Variants in ERC2 observed in about 807,000 individuals in gnomAD.
ERC2 encodes the protein ELKS/RAB6-interacting/CAST family member 2.
Under a neutral mutation model 114.8 loss-of-function variants are expected in ERC2, and 42 were observed. The observed-to-expected ratio is 0.37, with a 90% CI of 0.29 to 0.47. The LOEUF (loss-of-function observed/expected upper bound fraction) is 0.47. Ranked by LOEUF, ERC2 falls within the 20% of genes least tolerant of loss-of-function variation. The probability of loss-of-function intolerance (pLI) is 0.99; values close to 1 mark genes in which losing one functional copy is unlikely to be tolerated. For synonymous variants in ERC2, 454 were observed against 425.5 expected, an observed-to-expected ratio of 1.07 and a Z score of -0.82; for missense variants, 939 against 1,150.7, an observed-to-expected ratio of 0.82 and a Z score of 2.66.
At chr3:55,620,986 TG>T (rs2059302112) in intron 17 of ERC2, among the ~76,000 whole-genome samples, 1 of 152,214 alleles carries the variant, frequency 6.6e-6, no homozygotes, top group Non-Finnish European at 1.5e-5. Flanking sequence ...ACTCTGACAG[TG>T]GTTTATGACC....
At position 55,989,118 on chromosome 3, in the gene ERC2, T is replaced by C. The variant is rs117461880; in HGVS notation, c.2255+2939A>G. Reference sequence around the variant, plus strand: ...CGCAAGACACGGGCAGGCAGAGTACTGGGACAGACTCAGGTCCCACCACAC... The same window carrying C: ...CGCAAGACACGGGCAGGCAGAGTACCGGGACAGACTCAGGTCCCACCACAC... On this transcript the variant is annotated intron_variant, in intron 11 of 17. Transcript: ENST00000288221. 9.8e-3 allele frequency among the ~76,000 whole-genome samples: 1,493 copies of C among 152,330 alleles called. 21 individuals carry two copies. Among genetic ancestry groups the C allele is most frequent in the Middle Eastern group, 0.075 (22 of 294 alleles).
At chr3:55,582,374 T>C (rs944372937) in intron 17 of ERC2, among the ~76,000 whole-genome samples, 1 of 152,194 alleles carries the variant, frequency 6.6e-6, no homozygotes, top group Non-Finnish European at 1.5e-5. Flanking sequence ...GTTATTCTTC[T>C]CAGAGTGGCA....
intron 7 of ERC2, among the ~76,000 whole-genome samples, chr3:56,027,926 T>C (rs1162554299): frequency 6.6e-6 from 1 of 152,232 alleles, no homozygotes; most frequent in Non-Finnish European, 1.5e-5. Context: ...TATACTTTCA[T>C]GTTTTACATT....
At chr3:55,789,769 G>T (rs897957638) in intron 14 of ERC2, among the ~76,000 whole-genome samples, 2 of 152,146 alleles carry the variant, frequency 1.3e-5, no homozygotes, top group Non-Finnish European at 2.9e-5. Flanking sequence ...CAAACATAGA[G>T]GGTAATAAGC....
chr3:56,274,658 G>C (rs1050447094), intron 3 of ERC2, among the ~76,000 whole-genome samples: 2 of 152,176 alleles, frequency 1.3e-5, no homozygotes, highest in Non-Finnish European at 2.9e-5. Flanking sequence ...TGTTCTGTGT[G>C]TATGTACCTT....
intron 14 of ERC2, among the ~76,000 whole-genome samples, chr3:55,864,631 T>C (rs896575350): frequency 3.9e-5 from 6 of 152,172 alleles, no homozygotes; most frequent in Non-Finnish European, 7.4e-5. Context: ...CACTGGCCAA[T>C]GATAGGTGCT....
At chr3:55,856,788 T>C (rs2061806528) in intron 14 of ERC2, among the ~76,000 whole-genome samples, 1 of 152,130 alleles carries the variant, frequency 6.6e-6, no homozygotes, top group Admixed American at 6.6e-5. Flanking sequence ...AGCTAGTGAA[T>C]AAACAAAATG....
At chr3:56,007,376 C>T (rs1239833417) in intron 9 of ERC2, 55 bp from the exon 10 acceptor site, 1 of 1,491,640 alleles carries the variant, frequency 6.7e-7, no homozygotes. Flanking sequence ...CTAGCAATGC[C>T]TTCAATTTGA....
chr3:56,405,887 C>CTTTTTTTTTTTTT (rs72095902), intron 2 of ERC2, among the ~76,000 whole-genome samples: 1 of 85,204 alleles, frequency 1.2e-5, no homozygotes, highest in African/African-American at 4.6e-5. Flanking sequence ...ACTTTTTTTT[C>CTTTTTTTTTTTTT]TTTTTTTTTT....
intron 2 of ERC2, among the ~76,000 whole-genome samples, chr3:56,428,382 G>A (rs1052904285): frequency 1.2e-4 from 18 of 151,840 alleles, no homozygotes; most frequent in African/African-American, 3.9e-4. Flanking sequence ...TCAGCCGCGC[G>A]TGCTGGTACA....
chr3:56,266,359 T>C (rs901628509), intron 3 of ERC2, among the ~76,000 whole-genome samples: 4 of 152,032 alleles, frequency 2.6e-5, no homozygotes, highest in Non-Finnish European at 5.9e-5. Flanking sequence ...CTCGATCTCC[T>C]GACCTTTTGA....
chr3:56,001,904 G>T (rs1307170376), intron 10 of ERC2, among the ~76,000 whole-genome samples: 1 of 151,930 alleles, frequency 6.6e-6, no homozygotes, highest in Non-Finnish European at 1.5e-5. Context: ...TTTTCCCAGG[G>T]TGTTTTCGAG....
At chr3:55,652,231 A>G (rs1282377800) in intron 17 of ERC2, among the ~76,000 whole-genome samples, 3 of 152,222 alleles carry the variant, frequency 2.0e-5, no homozygotes, top group African/African-American at 7.2e-5. Flanking sequence ...ATCATCTACA[A>G]CTGGAAAGCA....
intron 3 of ERC2, among the ~76,000 whole-genome samples, chr3:56,254,985 G>C (rs1390652018): frequency 6.6e-6 from 1 of 152,152 alleles, no homozygotes; most frequent in Non-Finnish European, 1.5e-5. Flanking sequence ...CAAATATAAT[G>C]TTTTATTTGG....
At chr3:56,312,212 C>T (rs995113448) in intron 2 of ERC2, among the ~76,000 whole-genome samples, 10 of 152,048 alleles carry the variant, frequency 6.6e-5, no homozygotes, top group African/African-American at 2.4e-4. Flanking sequence ...CTAAAGATTC[C>T]ATAAATACTG....
At position 56,244,433 on chromosome 3, in the gene ERC2, G is replaced by A. The variant is rs1411494093; in HGVS notation, c.1074+51586C>T. Among the ~76,000 whole-genome samples, 3 of 152,010 alleles carry A rather than the reference G, an allele frequency of 2.0e-5. No individual in the cohort carries two copies. The East Asian group carries it at 5.8e-4, about 29-fold the overall frequency. ...TTAACTGTAAAACAGCCTCAGGCAG[G>A]TCCCTCAGGAAGTATCCAGAAGAAG... is the stretch of plus-strand genomic sequence containing the variant. On this transcript the variant is annotated intron_variant, in intron 3 of 17. Transcript: ENST00000288221.
chr3:55,549,958 GAC>G (rs1179031230), intron 17 of ERC2, among the ~76,000 whole-genome samples: 3 of 97,400 alleles, frequency 3.1e-5, no homozygotes, highest in African/African-American at 8.7e-5. Context: ...GAGAGAGAGA[GAC>G]AGAGAGAGAG....
intron 6 of ERC2, among the ~76,000 whole-genome samples, chr3:56,096,540 G>C (rs748451079): frequency 9.2e-5 from 14 of 152,154 alleles, no homozygotes; most frequent in Non-Finnish European, 1.9e-4. Context: ...CTAAAATTAT[G>C]ACATGTATCT....
chr3:56,170,779 T>TTTTTG (rs1369566219), intron 4 of ERC2, among the ~76,000 whole-genome samples: 1 of 148,534 alleles, frequency 6.7e-6, no homozygotes, highest in East Asian at 2.0e-4. Flanking sequence ...TTTTTTTTTT[T>TTTTTG]TCTGAGACAG....
Sources: gnomAD v4.1 joint callset for allele counts (sites outside exome capture counted in the v4.1 genomes callset) on GRCh38, gnomAD v4.1.1 for gene constraint, MANE v1.5 for transcripts, NCBI Gene and HGNC (gene_info 2026-07-23, HGNC 2026-07-21) for gene names.